Variants in RMDN2 observed in about 807,000 individuals in gnomAD.
RMDN2 encodes the protein regulator of microtubule dynamics 2.
A neutral mutation model predicts 52.8 loss-of-function variants in RMDN2; 61 were observed. The observed-to-expected ratio is 1.16, with a 90% CI of 0.94 to 1.43. RMDN2 has a LOEUF of 1.43. Among genes scored for constraint, RMDN2 ranks in the 40% most tolerant of loss-of-function variants. The pLI is 0.00. For missense variants in RMDN2, 592 were observed against 475.3 expected, an observed-to-expected ratio of 1.25 and a Z score of -2.28; for synonymous variants, 180 against 153.1, an observed-to-expected ratio of 1.18 and a Z score of -1.30.
intron 10 of RMDN2, among the ~76,000 whole-genome samples, chr2:38,007,422 G>A (rs933670907): frequency 3.3e-5 from 5 of 152,158 alleles, no homozygotes; most frequent in Non-Finnish European, 7.3e-5. Flanking sequence ...CTTCTTCCTG[G>A]TTTAGTCTTG....
At chr2:38,031,908 A>T (rs1423011361) in intron 10 of RMDN2, among the ~76,000 whole-genome samples, 2 of 152,180 alleles carry the variant, frequency 1.3e-5, no homozygotes, top group Non-Finnish European at 2.9e-5. Context: ...AGGAGCCCAT[A>T]AATTGAGTCA....
At chr2:37,949,711 A>G (rs1025394778) in intron 2 of RMDN2, among the ~76,000 whole-genome samples, 6 of 152,148 alleles carry the variant, frequency 3.9e-5, no homozygotes, top group African/African-American at 1.4e-4. Flanking sequence ...AGCAAAGGCT[A>G]GAGGCGGTAG....
At chr2:38,003,593 T>C (rs1261196820) in intron 8 of RMDN2, among the ~76,000 whole-genome samples, 1,657 of 151,188 alleles carry the variant, frequency 0.011, 27 homozygotes, top group Non-Finnish European at 0.017. Context: ...GATAGATAGA[T>C]AGATAGATAG....
At chr2:37,948,423 G>A (rs1195191585) in intron 2 of RMDN2, among the ~76,000 whole-genome samples, 2 of 152,230 alleles carry the variant, frequency 1.3e-5, no homozygotes, top group Admixed American at 1.3e-4. Flanking sequence ...AGAATAGAGT[G>A]GCTGTTGCAG....
chr2:38,051,834 T>C (rs917884254), intron 10 of RMDN2, among the ~76,000 whole-genome samples: 4 of 152,222 alleles, frequency 2.6e-5, no homozygotes, highest in African/African-American at 7.2e-5. Context: ...GTTCCATCCA[T>C]GTTACTGCAA....
chr2:37,979,615 A>AT (rs1673037948), intron 4 of RMDN2, among the ~76,000 whole-genome samples: 1 of 152,184 alleles, frequency 6.6e-6, no homozygotes, highest in Non-Finnish European at 1.5e-5. Context: ...TTAAAGAAAC[A>AT]TTTTTCTAAC....
chr2:37,951,885 T>C lies in RMDN2; in HGVS notation c.453-22155T>C, dbSNP rs774634461. On this transcript the variant is annotated intron_variant, in intron 2 of 10. Coordinates refer to ENST00000354545, the MANE Select transcript of RMDN2 (RefSeq NM_001170791.3). ...CTTTTCTCTTGCAAGTGATATTTCC[T>C]CTCCCGATCAACAAAATGGAATTGC... The C allele has an allele frequency of 1.9e-6, 3 of 1,613,276 alleles. No individual in the cohort carries two copies. In the East Asian group the frequency reaches 6.7e-5, roughly 36 times the overall value.
At chr2:38,022,456 G>C (rs570293173), downstream of RMDN2, among the ~76,000 whole-genome samples, 3 of 152,324 alleles carry the variant, frequency 2.0e-5, no homozygotes, top group African/African-American at 7.2e-5. Context: ...AGTCCAAGCT[G>C]ATGGTACACC....
chr2:37,945,996 A>G (rs908452596), intron 2 of RMDN2, among the ~76,000 whole-genome samples: 10 of 152,234 alleles, frequency 6.6e-5, no homozygotes, highest in Admixed American at 2.6e-4. Flanking sequence ...ACTCACCTCA[A>G]TTCCATTTGA....
chr2:37,958,343 C>CTGAGAGACTGTTATGATTTCTG (rs1669758336), intron 2 of RMDN2, among the ~76,000 whole-genome samples: 4 of 144,896 alleles, frequency 2.8e-5, no homozygotes, highest in African/African-American at 1.2e-4. Flanking sequence ...TGTAGTTCTT[C>CTGAGAGACTGTTATGATTTCTG]TTGAAGAAGT....
intron 2 of RMDN2, among the ~76,000 whole-genome samples, chr2:37,946,411 T>C (rs1024808739): frequency 1.3e-5 from 2 of 152,194 alleles, no homozygotes; most frequent in Non-Finnish European, 2.9e-5. Context: ...TTCCCTATGC[T>C]ACCCCTCTCC....
intron 2 of RMDN2, among the ~76,000 whole-genome samples, chr2:37,966,522 CCTT>C (rs1207390905): frequency 1.3e-5 from 2 of 152,040 alleles, no homozygotes; most frequent in Non-Finnish European, 1.5e-5. Context: ...TCTCTCTTCT[CCTT>C]CTGGAACCCC....
chr2:38,008,832 G>A (rs1254392467), intron 10 of RMDN2, among the ~76,000 whole-genome samples: 1 of 152,216 alleles, frequency 6.6e-6, no homozygotes, highest in African/African-American at 2.4e-5. Flanking sequence ...TGTTTTTGCA[G>A]TGGCTGGTAC....
chr2:38,001,628 T>C (rs1489808522), intron 8 of RMDN2, among the ~76,000 whole-genome samples: 1 of 152,240 alleles, frequency 6.6e-6, no homozygotes, highest in African/African-American at 2.4e-5. Flanking sequence ...GCTGTTTACA[T>C]GCATACACTG....
intron 10 of RMDN2, among the ~76,000 whole-genome samples, chr2:38,058,480 G>T (rs938229476): frequency 6.6e-6 from 1 of 152,234 alleles, no homozygotes; most frequent in African/African-American, 2.4e-5. Context: ...TCTCAGCTCT[G>T]CTCAGGCAGG....
intron 5 of RMDN2, among the ~76,000 whole-genome samples, chr2:37,984,145 A>G (rs554954256): frequency 6.6e-6 from 1 of 152,338 alleles, no homozygotes; most frequent in African/African-American, 2.4e-5. Context: ...AGATCATTCT[A>G]ATGACTTAGT....
At chr2:38,004,801 G>A (rs1484794593) in intron 10 of RMDN2, among the ~76,000 whole-genome samples, 2 of 151,208 alleles carry the variant, frequency 1.3e-5, no homozygotes, top group African/African-American at 2.4e-5. Context: ...CCATTAACTC[G>A]TCATTTAACA....
chr2:37,989,872 A>G (rs575265719), intron 6 of RMDN2, among the ~76,000 whole-genome samples: 1 of 152,298 alleles, frequency 6.6e-6, no homozygotes, highest in Non-Finnish European at 1.5e-5. Context: ...GGCCGGGCAC[A>G]GAGGCTCACG....
chr2:38,063,470 A>G lies in RMDN2; in HGVS notation c.1714-3512A>G, dbSNP rs574022596. On this transcript the variant is annotated intron_variant, in intron 10 of 10. Transcript: ENST00000234195. ...AACCCTAGAAGAAAACTTAGGCAAT[A>G]CCATTCAGGACATAGGCATGGGCAA... Among the ~76,000 whole-genome samples the G allele has an allele frequency of 3.4e-3, 521 of 152,332 alleles. 5 individuals carry two copies. The highest frequency in any genetic ancestry group is 0.023 in the South Asian group (112 of 4,826).
Sources: allele counts gnomAD v4.1 joint callset (sites outside exome capture counted in the v4.1 genomes callset), GRCh38; gene constraint gnomAD v4.1.1; transcripts MANE v1.5; gene names NCBI Gene and HGNC (gene_info 2026-07-23, HGNC 2026-07-21).